Variants in CADM2 observed in about 807,000 individuals in gnomAD.
CADM2 encodes the protein cell adhesion molecule 2, also known as immunoglobulin superfamily member 4D.
A neutral mutation model predicts 49.8 loss-of-function variants in CADM2; 12 were observed. The observed-to-expected ratio is 0.24, with a 90% confidence interval of 0.15 to 0.39. The LOEUF (loss-of-function observed/expected upper bound fraction) is 0.39, where lower values mean the gene tolerates loss of function less well. CADM2 is among the 10% of genes least tolerant of loss of function. The pLI, the probability that CADM2 is intolerant of heterozygous loss-of-function variation, is 1.00. For synonymous variants in CADM2, 214 were observed against 175.4 expected, an observed-to-expected ratio of 1.22 and a Z score of -1.74; for missense variants, 378 against 492.3, an observed-to-expected ratio of 0.77 and a Z score of 2.20.
chr3:85,062,453 T>C (rs2036366555), intron 1 of CADM2, among the ~76,000 whole-genome samples: 1 of 152,000 alleles, frequency 6.6e-6, no homozygotes, highest in Non-Finnish European at 1.5e-5. Context: ...ATTTTCATTC[T>C]AAATAAATCG....
chr3:84,998,536 G>C (rs913063744), intron 1 of CADM2, among the ~76,000 whole-genome samples: 4 of 152,148 alleles, frequency 2.6e-5, no homozygotes, highest in Admixed American at 2.6e-4. Context: ...AAAATGCAAA[G>C]AGTGAAATTT....
At chr3:85,360,522 T>C (rs530702166) in intron 1 of CADM2, among the ~76,000 whole-genome samples, 8 of 152,290 alleles carry the variant, frequency 5.3e-5, no homozygotes, top group Non-Finnish European at 8.8e-5. Flanking sequence ...ATATGGATAG[T>C]TAAAAGTTAA....
At chr3:85,514,330 C>A (rs1411008315) in intron 1 of CADM2, among the ~76,000 whole-genome samples, 1 of 151,992 alleles carries the variant, frequency 6.6e-6, no homozygotes, top group African/African-American at 2.4e-5. Context: ...ACAATAAAAA[C>A]CTACATAATT....
At chr3:86,029,380 A>G (rs1449985450) in intron 8 of CADM2, among the ~76,000 whole-genome samples, 1 of 152,102 alleles carries the variant, frequency 6.6e-6, no homozygotes, top group African/African-American at 2.4e-5. Flanking sequence ...AGAGAAAAAT[A>G]GGAAGTTGAT....
intron 1 of CADM2, among the ~76,000 whole-genome samples, chr3:85,269,054 C>T (rs1226558076): frequency 1.3e-5 from 2 of 150,956 alleles, no homozygotes; most frequent in African/African-American, 2.4e-5. Context: ...AATAAATGTA[C>T]TAAAATAAAA....
chr3:85,781,351 G>A (rs1487189838), intron 2 of CADM2, among the ~76,000 whole-genome samples: 1 of 152,046 alleles, frequency 6.6e-6, no homozygotes, highest in East Asian at 1.9e-4. Context: ...TATCTGATAT[G>A]AATTTAGGTA....
intron 1 of CADM2, among the ~76,000 whole-genome samples, chr3:85,245,196 T>G (rs2042618121): frequency 6.6e-6 from 1 of 152,098 alleles, no homozygotes; most frequent in Non-Finnish European, 1.5e-5. Context: ...TTCAAGAACA[T>G]GCAATAAATC....
intron 1 of CADM2, among the ~76,000 whole-genome samples, chr3:85,295,558 T>C (rs1488599071): frequency 2.0e-5 from 3 of 151,912 alleles, no homozygotes; most frequent in Admixed American, 6.5e-5. Context: ...CCAACAATGA[T>C]AGACTGGATT....
At chr3:85,236,476 A>G (rs1343928928) in intron 1 of CADM2, among the ~76,000 whole-genome samples, 2 of 151,998 alleles carry the variant, frequency 1.3e-5, no homozygotes, top group African/African-American at 4.8e-5. Flanking sequence ...GCATATTTTT[A>G]ATGGTTTATT....
chr3:85,136,692 A>G (rs2039422617), intron 1 of CADM2, among the ~76,000 whole-genome samples: 1 of 151,946 alleles, frequency 6.6e-6, no homozygotes, highest in Non-Finnish European at 1.5e-5. Flanking sequence ...GTTACTTAAG[A>G]ATGCAAAGAA....
chr3:85,730,071 C>T (rs1385618699), intron 2 of CADM2, among the ~76,000 whole-genome samples: 1 of 151,924 alleles, frequency 6.6e-6, no homozygotes, highest in African/African-American at 2.4e-5. Context: ...TCTTAATGGC[C>T]CTCTCATCCA....
At chr3:85,064,822 G>A (rs1255329861) in intron 1 of CADM2, among the ~76,000 whole-genome samples, 1 of 152,064 alleles carries the variant, frequency 6.6e-6, no homozygotes, top group African/African-American at 2.4e-5. Context: ...CAAGGGGGAC[G>A]ACAAGTTCTA....
At chr3:85,822,022 G>T (rs186193745) in intron 3 of CADM2, among the ~76,000 whole-genome samples, 7 of 152,056 alleles carry the variant, frequency 4.6e-5, no homozygotes, top group African/African-American at 1.7e-4. Flanking sequence ...CATATTAAAT[G>T]TCTATATGCA....
chr3:85,679,902 G>A (rs1303762166), intron 1 of CADM2, among the ~76,000 whole-genome samples: 1 of 151,968 alleles, frequency 6.6e-6, no homozygotes, highest in Non-Finnish European at 1.5e-5. Context: ...AAAGAGTAGG[G>A]CAGATATTCA....
chr3:85,311,959 T>A (rs887971298), intron 1 of CADM2, among the ~76,000 whole-genome samples: 6 of 152,316 alleles, frequency 3.9e-5, no homozygotes, highest in East Asian at 3.9e-4. Context: ...TAGGCAAGCG[T>A]CTACTCAATC....
chr3:85,806,525 G>A (rs1385756125), intron 3 of CADM2, among the ~76,000 whole-genome samples: 2 of 152,188 alleles, frequency 1.3e-5, no homozygotes, highest in Non-Finnish European at 2.9e-5. Flanking sequence ...CATGCTGTGA[G>A]TGGTCAGTTG....
chr3:85,179,415 C>T (rs942025263), intron 1 of CADM2, among the ~76,000 whole-genome samples: 1 of 151,924 alleles, frequency 6.6e-6, no homozygotes, highest in Non-Finnish European at 1.5e-5. Flanking sequence ...TAACAACTGT[C>T]TGGCTCTTTA....
At chr3:85,703,014 G>A (rs963683354) in intron 1 of CADM2, among the ~76,000 whole-genome samples, 3 of 152,208 alleles carry the variant, frequency 2.0e-5, no homozygotes, top group South Asian at 2.1e-4. Context: ...ATTTACCATC[G>A]TATCTGGGAT....
chr3:85,141,633 C>G (rs1373199877), intron 1 of CADM2, among the ~76,000 whole-genome samples: 1 of 152,074 alleles, frequency 6.6e-6, no homozygotes, highest in African/African-American at 2.4e-5. Context: ...GAAGTTGTAA[C>G]AGAGATCCAA....
Sources: allele counts gnomAD v4.1 joint callset (sites outside exome capture counted in the v4.1 genomes callset), GRCh38; gene constraint gnomAD v4.1.1; transcripts MANE v1.5; gene names NCBI Gene and HGNC (gene_info 2026-07-23, HGNC 2026-07-21).